The following ST8SIA6 variants were observed in gnomAD, a reference collection of about 807,000 sequenced individuals.
ST8SIA6 encodes ST8 alpha-N-acetyl-neuraminide alpha-2,8-sialyltransferase 6, also known as alpha-2,8-sialyltransferase 8F.
Under a neutral mutation model 33.6 loss-of-function variants are expected in ST8SIA6, and 39 were observed. The ratio of observed to expected loss-of-function variants is 1.16; its 90% CI spans 0.90 to 1.52. ST8SIA6 has a LOEUF of 1.52. Ranked by LOEUF, ST8SIA6 falls within the 40% of genes most tolerant of loss-of-function variation. The pLI is 0.00. For missense variants in ST8SIA6, 441 were observed against 443.8 expected (o/e 0.99, Z 0.06); for synonymous variants, 172 against 167.2 (o/e 1.03, Z -0.22).
intron 4 of ST8SIA6, among the ~76,000 whole-genome samples, chr10:17,343,754 G>C (rs1269923653): frequency 6.6e-6 from 1 of 152,144 alleles, no homozygotes; most frequent in Non-Finnish European, 1.5e-5. Context: ...AGAGGAGCAG[G>C]TTTACACAGA....
chr10:17,439,271 CTTT>C (rs146928120), intron 2 of ST8SIA6, among the ~76,000 whole-genome samples: 44 of 124,184 alleles, frequency 3.5e-4, no homozygotes, highest in East Asian at 6.9e-4. Flanking sequence ...TCTTCCCTCT[CTTT>C]TTTTTTTTTT....
chr10:17,395,052 C>G (rs781366570), intron 2 of ST8SIA6, among the ~76,000 whole-genome samples: 2 of 152,054 alleles, frequency 1.3e-5, no homozygotes, highest in South Asian at 4.1e-4. Flanking sequence ...TGGGAAGGAC[C>G]CTGTCGGAGA....
At chr10:17,423,487 G>T (rs1851842089) in intron 2 of ST8SIA6, among the ~76,000 whole-genome samples, 1 of 152,150 alleles carries the variant, frequency 6.6e-6, no homozygotes, top group South Asian at 2.1e-4. Flanking sequence ...CACAGTGTGG[G>T]TTTACATTAC....
intron 2 of ST8SIA6, among the ~76,000 whole-genome samples, 198 bp from the exon 3 acceptor site, chr10:17,390,818 T>C (rs1243155118): frequency 2.5e-5 from 3 of 121,256 alleles, no homozygotes; most frequent in African/African-American, 3.6e-5. Flanking sequence ...AACAAAAAAC[T>C]TACGCTGTAA....
At chr10:17,343,393 C>T (rs564432755) in intron 4 of ST8SIA6, among the ~76,000 whole-genome samples, 4 of 152,216 alleles carry the variant, frequency 2.6e-5, no homozygotes, top group South Asian at 2.1e-4. Flanking sequence ...ATATTGTATT[C>T]GTAAGCTCAT....
intron 1 of ST8SIA6, 85 bp from the exon 2 acceptor site, chr10:17,453,742 G>T (rs925847780): frequency 1.8e-6 from 2 of 1,087,604 alleles, no homozygotes; most frequent in African/African-American, 1.6e-5. Flanking sequence ...TCCTTGCCTG[G>T]CAGGGAGATC....
chr10:17,418,132 C>G (rs530411989), intron 2 of ST8SIA6, among the ~76,000 whole-genome samples: 20 of 152,204 alleles, frequency 1.3e-4, no homozygotes, highest in Non-Finnish European at 2.9e-4. Flanking sequence ...GATCAAAGCT[C>G]ACTGCAGCCT....
chr10:17,380,016 C>G (rs1850072582), intron 3 of ST8SIA6, among the ~76,000 whole-genome samples: 1 of 152,166 alleles, frequency 6.6e-6, no homozygotes, highest in Non-Finnish European at 1.5e-5. Context: ...GGTCTGAGAG[C>G]ACCCTCCAGA....
At chr10:17,405,649 C>T (rs569211518) in intron 2 of ST8SIA6, among the ~76,000 whole-genome samples, 26 of 150,264 alleles carry the variant, frequency 1.7e-4, no homozygotes, top group Non-Finnish European at 3.4e-4. Context: ...TTTGGGAGGC[C>T]GAGGTGGGCA....
chr10:17,362,923 G>A (rs1465565541), intron 3 of ST8SIA6, among the ~76,000 whole-genome samples: 3 of 152,036 alleles, frequency 2.0e-5, no homozygotes, highest in Non-Finnish European at 4.4e-5. Context: ...TGTTGGTCAG[G>A]CTGATCTCGA....
rs997374661 is a variant in ST8SIA6 at position 17,320,840 on chromosome 10, C to T, written c.*38G>A. 1 of 1,588,020 alleles carries T rather than the reference C, an allele frequency of 6.3e-7. No homozygotes were observed. Among genetic ancestry groups the T allele is most frequent in the African/African-American group, 1.3e-5 (1 of 74,384 alleles). ...TGGAGACATTGTTAATCACCTACTG[C>T]ATTATATTAAAATTATTCCCATTTT... On this transcript the variant is annotated 3_prime_UTR_variant, in exon 8 of 8. Transcript: ENST00000377602.
At chr10:17,325,234 T>A (rs1351196572) in intron 6 of ST8SIA6, among the ~76,000 whole-genome samples, 3 of 141,714 alleles carry the variant, frequency 2.1e-5, no homozygotes, top group Admixed American at 7.2e-5. Context: ...TATAGTATAT[T>A]ATATAGTATA....
At position 17,454,245 on chromosome 10, in the gene ST8SIA6, C is replaced by G. The variant is rs1163929241; in HGVS notation, c.11G>C (p.Gly4Ala). 1 of 241,644 alleles carries G rather than the reference C, an allele frequency of 4.1e-6. No individual in the cohort carries two copies. Among genetic ancestry groups the G allele is most frequent in the Non-Finnish European group, 7.8e-6 (1 of 128,208 alleles). 15.0% of individuals were successfully genotyped at this position (241,644 alleles called of 1,614,324 possible). MRP[G>A]GALLALLASL... ...GGCGAGCAGGGCGAGCAGTGCGCCC[C>G]CCGGCCGCATCCTGAGCCACAGGCG... is the stretch of plus-strand genomic sequence containing the variant. The change falls in exon 1 of 8, where the codon GGG becomes GCG. Residue 4 changes from glycine (G) to alanine (A), a missense_variant. Physicochemically the swap from Gly to Ala is moderately conservative, Grantham distance 60. Transcript: ENST00000377602. The surrounding 1 kb of genome is among the most constrained non-coding windows in gnomAD (Gnocchi z 4.1).
At chr10:17,422,458 C>A (rs1851808746) in intron 2 of ST8SIA6, among the ~76,000 whole-genome samples, 1 of 152,170 alleles carries the variant, frequency 6.6e-6, no homozygotes, top group South Asian at 2.1e-4. Flanking sequence ...TAATTCTGAT[C>A]TTCTCTTTAC....
At chr10:17,399,605 T>C (rs1018186564) in intron 2 of ST8SIA6, among the ~76,000 whole-genome samples, 3 of 152,140 alleles carry the variant, frequency 2.0e-5, no homozygotes, top group African/African-American at 7.2e-5. Flanking sequence ...CCTACCATAG[T>C]TGCAAGATAG....
In ST8SIA6 at chr10:17,339,809, G is replaced by A. The variant is rs558079377; in HGVS notation, c.378-8257C>T. On this transcript the variant is annotated intron_variant, in intron 4 of 7. Transcript: ENST00000377602. ...TCATTTTATAGATGAGGATAACTTAGGATCATAAAGTTAAGAAGGTCACAT... is the reference window on the plus strand; with the variant it reads ...TCATTTTATAGATGAGGATAACTTAAGATCATAAAGTTAAGAAGGTCACAT... 4.6e-5 allele frequency among the ~76,000 whole-genome samples: 7 copies of A among 152,238 alleles called. No individual in the cohort carries two copies. The East Asian group carries it at 1.4e-3, about 29-fold the overall frequency.
At chr10:17,448,915 C>A (rs111278606) in intron 2 of ST8SIA6, among the ~76,000 whole-genome samples, 29 of 150,820 alleles carry the variant, frequency 1.9e-4, no homozygotes, top group South Asian at 4.2e-4. Flanking sequence ...CCATTGCGCC[C>A]GGCCGGCAGG....
chr10:17,429,927 G>A (rs1222296521), intron 2 of ST8SIA6, among the ~76,000 whole-genome samples: 4 of 151,994 alleles, frequency 2.6e-5, no homozygotes, highest in Non-Finnish European at 5.9e-5. Flanking sequence ...AGTTTTTGGG[G>A]TACAAGTGTT....
At chr10:17,391,162 A>G (rs909127106) in intron 2 of ST8SIA6, among the ~76,000 whole-genome samples, 6 of 150,328 alleles carry the variant, frequency 4.0e-5, no homozygotes, top group Non-Finnish European at 7.4e-5. Flanking sequence ...CTGGCCTTTG[A>G]GGACTTTATA....
Sources: allele counts gnomAD v4.1 joint callset (sites outside exome capture counted in the v4.1 genomes callset), GRCh38; gene constraint gnomAD v4.1.1; non-coding constraint Gnocchi (gnomAD v3.1); transcripts MANE v1.5; gene names NCBI Gene and HGNC (gene_info 2026-07-23, HGNC 2026-07-21).